DCHS1: variants seen among roughly 807,000 people sequenced by gnomAD.
DCHS1 encodes the protein dachsous cadherin-related 1.
Under a neutral mutation model 213.9 loss-of-function variants are expected in DCHS1, and 78 were observed. That is an observed-to-expected ratio of 0.36 (90% CI 0.30 to 0.44). The LOEUF (loss-of-function observed/expected upper bound fraction) is 0.44, where lower values mean the gene tolerates loss of function less well. Ranked by LOEUF, DCHS1 falls within the 20% of genes least tolerant of loss-of-function variation. DCHS1 has a pLI of 1.00. For missense variants in DCHS1, 3,946 were observed against 4,395.9 expected (o/e 0.90, Z 2.89); for synonymous variants, 1,828 against 1,873.7 (o/e 0.98, Z 0.63).
In DCHS1 at chr11:6,621,937, A is replaced by T. The variant is rs1855698754; in HGVS notation, c.9739T>A (p.Ser3247Thr). The T allele has an allele frequency of 6.2e-7, 1 of 1,613,114 alleles. No homozygotes were observed. The highest frequency in any genetic ancestry group is 8.5e-7 in the Non-Finnish European group (1 of 1,179,676). The stretch of plus-strand genomic sequence containing the variant: ...GAGAAGCTGGGGGACATGGCAGCTG[A>T]GGACAGGGAGCCTTCATGGCTGATG... ...SPISHEGSLS[S>T]AAMSPSFSPS... Residue 3247 changes from serine (S) to threonine (T), a missense_variant, in exon 21 of 21, where the codon TCA becomes ACA. Physicochemically the swap from Ser to Thr is moderately conservative, Grantham distance 58. Transcript: ENST00000299441.
In DCHS1 at chr11:6,623,332, G is replaced by T; in HGVS notation, c.8344C>A (p.Arg2782=). 1 of 1,594,244 alleles carries T rather than the reference G, an allele frequency of 6.3e-7. No individual in the cohort carries two copies. Among genetic ancestry groups the T allele is most frequent in the Non-Finnish European group, 8.5e-7 (1 of 1,170,366 alleles). ...GCATCAGCAGCACCCACCAGCAGCC[G>T]GAAGCTTTCTGTGTGCTCATAGTCA... The part of the protein sequence containing the change: ...PFDYEHTESF[R]LLVGAADAGN... Residue 2782 remains arginine, a synonymous_variant, in exon 21 of 21, where the codon CGG becomes AGG. Coordinates refer to ENST00000299441, the MANE Select transcript of DCHS1 (RefSeq NM_003737.4).
Position 6,640,480 on chromosome 11 carries a change from G to A in DCHS1, c.1134C>T (p.Ala378=), listed in dbSNP as rs149439642. 80 of 1,613,584 alleles carry A rather than the reference G, an allele frequency of 5.0e-5. No individual in the cohort carries two copies. In the East Asian group the frequency reaches 7.1e-4, roughly 14 times the overall value. The change falls in exon 2 of 21, where the codon GCC becomes GCT. Residue 378 remains alanine (A), a synonymous_variant. Transcript: ENST00000299441. The surrounding 1 kb of genome is among the most constrained non-coding windows in gnomAD (Gnocchi z 6.5). The stretch of plus-strand genomic sequence containing the variant: ...GAGCAACGAGCTGTCCAGGTGGGGC[G>A]GCCTCAGACACTTGGGGGGAGCCAT... ...SADGSPQVSE[A]APPGQLVARI... is the part of the protein sequence containing the mutation.
In DCHS1 at chr11:6,633,978, C is replaced by G. The variant is rs777899134; in HGVS notation, c.2029G>C (p.Asp677His). Reference sequence around the variant, plus strand: ...AACTGAGGAGGGTTGTCATTCTCGTCTGACAGAAACACCTTCACATATACC... The same window carrying G: ...AACTGAGGAGGGTTGTCATTCTCGTGTGACAGAAACACCTTCACATATACC... ...SMVYVKVFLS[D>H]ENDNPPQFYP... Residue 677 changes from aspartate to histidine, a missense_variant, in exon 4 of 21, where the codon GAC becomes CAC. By Grantham distance (81) the Asp-to-His change is moderately conservative. This residue lies in a region of DCHS1 where 3,384 missense variants were observed against 3,780.1 expected (regional missense o/e 0.90). Transcript: ENST00000299441. 7 of 1,614,032 alleles carry G rather than the reference C, an allele frequency of 4.3e-6. No individual in the cohort carries two copies. The South Asian group carries it at 4.4e-5, about 10-fold the overall frequency.
intron 2 of DCHS1, among the ~76,000 whole-genome samples, chr11:6,637,210 C>A (rs143036161): frequency 2.0e-5 from 3 of 152,248 alleles, no homozygotes; most frequent in Non-Finnish European, 2.9e-5. Context: ...TACTCTCCAC[C>A]AGGGTTTCTC....
At chr11:6,630,987 C>A (rs1193232748) in intron 9 of DCHS1, 66 bp downstream of exon 9, 2 of 1,538,388 alleles carry the variant, frequency 1.3e-6, no homozygotes, top group Non-Finnish European at 1.8e-6. Flanking sequence ...CCAAAGGATT[C>A]CCGTGAAGCT....
At chr11:6,649,905 G>A (rs536253211) in intron 1 of DCHS1, among the ~76,000 whole-genome samples, 3 of 152,214 alleles carry the variant, frequency 2.0e-5, no homozygotes, top group Non-Finnish European at 2.9e-5. Context: ...GGACAGCATA[G>A]TAGAGGGGCT....
At chr11:6,631,260 G>A (rs376628917) in intron 8 of DCHS1, 50 bp from the exon 9 acceptor site, 1 of 1,613,838 alleles carries the variant, frequency 6.2e-7, no homozygotes, top group Non-Finnish European at 8.5e-7. Context: ...AGCTGGGCAG[G>A]CCATGAGGGC....
chr11:6,632,967 G>C lies in DCHS1; in HGVS notation c.2545C>G (p.Leu849Val). 1 of 1,614,046 alleles carries C rather than the reference G, an allele frequency of 6.2e-7. No individual in the cohort carries two copies. Among genetic ancestry groups the C allele is most frequent in the Middle Eastern group, 1.6e-4 (1 of 6,062 alleles). ...AGTAGCTCCCGGTCCAGAGGGCGAA[G>C]TGTTTGCAACAGTCCTGATACCGCA... ...LDAVSGLLQTLRPLDRELLGP... is the reference protein window; with the variant it reads ...LDAVSGLLQTVRPLDRELLGP... The change falls in exon 6 of 21, where the codon CTT becomes GTT. Residue 849 changes from leucine to valine, a missense_variant. Leu to Val is a conservative substitution (Grantham distance 32). Coordinates refer to ENST00000299441, the MANE Select transcript of DCHS1 (RefSeq NM_003737.4). The surrounding 1 kb of genome is among the most constrained non-coding windows in gnomAD (Gnocchi z 5.9).
chr11:6,641,730 T>C lies in DCHS1; in HGVS notation c.-117A>G. 2 of 1,440,908 alleles carry C rather than the reference T, an allele frequency of 1.4e-6. No homozygotes were observed. The highest frequency in any genetic ancestry group is 2.5e-5 in the East Asian group (1 of 39,974). The allele number at this position is 1,440,908 out of a possible 1,614,324, so 89.3% of individuals were successfully genotyped here. On this transcript the variant is annotated 5_prime_UTR_variant, in exon 2 of 21. Transcript: ENST00000299441. This position sits in a 1 kb window ranked among gnomAD's most constrained non-coding sequence, Gnocchi z 7.1. ...GGCCCTGGCTCCAGCTCAGGCTCCCTGACCTGGGAGAAAACAGAAGGAAAC... is the reference window on the plus strand; with the variant it reads ...GGCCCTGGCTCCAGCTCAGGCTCCCCGACCTGGGAGAAAACAGAAGGAAAC...
rs1855729791 is a variant in DCHS1, at chr11:6,623,076, G to T, written c.8600C>A (p.Ala2867Asp). The change falls in exon 21 of 21, where the codon GCC becomes GAC. Residue 2867 changes from alanine (A) to aspartate (D), a missense_variant. By Grantham distance (126) the Ala-to-Asp change is moderately radical. This residue lies in a region of DCHS1 where 554 missense variants were observed against 590.2 expected (regional missense o/e 0.94). Transcript: ENST00000299441. Reference sequence around the variant, plus strand: ...CCGACTGTCCACCCGCAGGTACAGGGCTCCTGTAGTCTGGTTAATACCAAA... The same window carrying T: ...CCGACTGTCCACCCGCAGGTACAGGTCTCCTGTAGTCTGGTTAATACCAAA... ...PYFGINQTTG[A>D]LYLRVDSRAP... is the part of the protein sequence containing the mutation. The T allele has an allele frequency of 6.3e-7, 1 of 1,592,680 alleles. No homozygotes were observed. The highest frequency in any genetic ancestry group is 8.5e-7 in the Non-Finnish European group (1 of 1,169,696).
Position 6,625,647 on chromosome 11 carries a change from T to C in DCHS1, c.6812A>G (p.Asn2271Ser), listed in dbSNP as rs1855784881. The part of the protein sequence containing the change: ...ATLTVMVIDT[N>S]DNRPTIPQPW... The stretch of plus-strand genomic sequence containing the variant: ...TTGGGGGATGGTGGGGCGATTGTCA[T>C]TGGTGTCGATGACCATCACCGTCAA... The change falls in exon 18 of 21, where the codon AAT becomes AGT. Residue 2271 changes from asparagine to serine, a missense_variant. This residue lies in a region of DCHS1 where 3,384 missense variants were observed against 3,780.1 expected (regional missense o/e 0.90). Coordinates refer to ENST00000299441, the MANE Select transcript of DCHS1 (RefSeq NM_003737.4). The surrounding 1 kb of genome is among the most constrained non-coding windows in gnomAD (Gnocchi z 5.3). The C allele has an allele frequency of 6.2e-7, 1 of 1,613,542 alleles. No individual in the cohort carries two copies. Among genetic ancestry groups the C allele is most frequent in the Non-Finnish European group, 8.5e-7 (1 of 1,179,828 alleles).
chr11:6,639,851 G>C lies in DCHS1; in HGVS notation c.1763C>G (p.Pro588Arg). The change falls in exon 2 of 21, where the codon CCT becomes CGT. Residue 588 changes from proline to arginine, a missense_variant. Physicochemically the swap from Pro to Arg is moderately radical, Grantham distance 103 (BLOSUM62 -2). Coordinates refer to ENST00000299441, the MANE Select transcript of DCHS1 (RefSeq NM_003737.4). ...FQRTFYNASLPEGTQPGTCFL... is the reference protein window; with the variant it reads ...FQRTFYNASLREGTQPGTCFL... ...GCAAGTTCCAGGCTGGGTGCCCTCA[G>C]GCAGTGAGGCATTGTAGAAAGTCCT... is the stretch of plus-strand genomic sequence containing the variant. 2 of 1,609,114 alleles carry C rather than the reference G, an allele frequency of 1.2e-6. No individual in the cohort carries two copies. The highest frequency in any genetic ancestry group is 1.7e-6 in the Non-Finnish European group (2 of 1,176,494).
chr11:6,630,969 T>C (rs1564864392), intron 9 of DCHS1, 84 bp downstream of exon 9: 1 of 1,525,084 alleles, frequency 6.6e-7, no homozygotes, highest in Admixed American at 2.1e-5. Flanking sequence ...GCCTGACTGC[T>C]AGTGGAGCCA....
chr11:6,622,262 A>C lies in DCHS1; in HGVS notation c.9414T>G (p.Asp3138Glu), dbSNP rs2134606839. ...GCGCACCTGCCACACATGGCTTGCC[A>C]TCTGCTGGGAAGCCATAGTCCCCAG... Reference protein sequence around the residue: ...APTGDYGFPADGKPCVAGALT... With the variant: ...APTGDYGFPAEGKPCVAGALT... The change falls in exon 21 of 21, where the codon GAT becomes GAG. Residue 3138 changes from aspartate to glutamate, a missense_variant. Asp to Glu is a conservative substitution (Grantham distance 45). Coordinates refer to ENST00000299441, the MANE Select transcript of DCHS1 (RefSeq NM_003737.4). This position sits in a 1 kb window ranked among gnomAD's most constrained non-coding sequence, Gnocchi z 5.4. The C allele has an allele frequency of 6.2e-7, 1 of 1,604,850 alleles. No individual in the cohort carries two copies. Among genetic ancestry groups the C allele is most frequent in the East Asian group, 2.2e-5 (1 of 44,638 alleles).
Position 6,641,845 on chromosome 11 carries a change from G to T in DCHS1, c.-120-112C>A. On this transcript the variant is annotated intron_variant, in intron 1 of 20. Transcript: ENST00000299441. This position sits in a 1 kb window ranked among gnomAD's most constrained non-coding sequence, Gnocchi z 7.1. ...TATGCTCAGCCCCCAGCAGGCCCTT[G>T]TGCTGCCTCACACTCATCTTGGGCC... is the stretch of plus-strand genomic sequence containing the variant. The T allele has an allele frequency of 2.1e-6, 2 of 949,840 alleles. No homozygotes were observed. The highest frequency in any genetic ancestry group is 1.5e-6 in the Non-Finnish European group (1 of 666,474). The allele number at this position is 949,840 out of a possible 1,614,324, so 58.8% of individuals were successfully genotyped here. A position where few individuals can be genotyped will look rare whatever the true frequency, so the allele number is the denominator to read the frequency against.
At chr11:6,649,710 G>A (rs1266279589) in intron 1 of DCHS1, among the ~76,000 whole-genome samples, 3 of 152,108 alleles carry the variant, frequency 2.0e-5, no homozygotes, top group African/African-American at 4.8e-5. Context: ...GGCAGGGCAG[G>A]GTGAGGGAGC....
In DCHS1 at chr11:6,631,098, G is replaced by A. The variant is rs763737907; in HGVS notation, c.3885C>T (p.Asp1295=). ...PHYVLTLSAH[D]QGSPPRSASL... ...TGGCACTTCGAGGAGGGCTGCCTTG[G>A]TCATGAGCACTCAGTGTCAGCACAT... Residue 1295 remains aspartate (D), a synonymous_variant, in exon 9 of 21, where the codon GAC becomes GAT. Transcript: ENST00000299441. 6 of 1,613,308 alleles carry A rather than the reference G, an allele frequency of 3.7e-6. No homozygotes were observed. In the Admixed American group the frequency reaches 8.3e-5, roughly 22 times the overall value.
rs142950710 is a variant in DCHS1, at chr11:6,623,681, C to T, written c.7995G>A (p.Leu2665=). Residue 2665 remains leucine (L), a synonymous_variant, in exon 21 of 21, where the codon CTG becomes CTA. Transcript: ENST00000299441. ...SSGTLRLAHA[L]DCETQARHQL... ...GATGTCGAGCCTGGGTCTCACAGTC[C>T]AGGGCATGGGCCAGTCGCAAGGTGC... 1.6e-5 allele frequency: 26 copies of T among 1,613,706 alleles called. No individual in the cohort carries two copies. Among genetic ancestry groups the T allele is most frequent in the Non-Finnish European group, 2.0e-5 (24 of 1,179,904 alleles).
Position 6,625,161 on chromosome 11 carries a change from C to T in DCHS1, c.7146+37G>A, listed in dbSNP as rs143037513. On this transcript the variant is annotated intron_variant, in intron 19 of 20. Coordinates refer to ENST00000299441, the MANE Select transcript of DCHS1 (RefSeq NM_003737.4). The surrounding 1 kb of genome is among the most constrained non-coding windows in gnomAD (Gnocchi z 5.3). ...ATACTTCCCTCCAACAGGAACAACC[C>T]AGGCCCAGGTGTAGGTGGATCCATG... 1.2e-4 allele frequency: 183 copies of T among 1,542,592 alleles called. No homozygotes were observed. The African/African-American group carries it at 2.0e-3, about 17-fold the overall frequency.
Sources: allele counts gnomAD v4.1 joint callset (sites outside exome capture counted in the v4.1 genomes callset), GRCh38; gene constraint gnomAD v4.1.1; regional missense constraint gnomAD v4.1.1; non-coding constraint Gnocchi (gnomAD v3.1); transcripts MANE v1.5; gene names NCBI Gene and HGNC (gene_info 2026-07-23, HGNC 2026-07-21).